KLHL2: variants seen among roughly 807,000 people sequenced by gnomAD.
KLHL2 encodes kelch like family member 2.
In KLHL2, 15 loss-of-function variants were observed where a neutral mutation model predicts 75.8. That is an observed-to-expected ratio of 0.20 (90% CI 0.13 to 0.30). The LOEUF (loss-of-function observed/expected upper bound fraction) is 0.30, where lower values mean the gene tolerates loss of function less well. Ranked by LOEUF, KLHL2 falls within the 10% of genes least tolerant of loss-of-function variation. The probability of loss-of-function intolerance (pLI) is 1.00; values close to 1 mark genes in which losing one functional copy is unlikely to be tolerated. For missense variants in KLHL2, 381 were observed against 741.0 expected, an observed-to-expected ratio of 0.51 and a Z score of 5.64; for synonymous variants, 214 against 251.9, an observed-to-expected ratio of 0.85 and a Z score of 1.42.
chr4:165,241,824 A>C (rs1739841099), intron 4 of KLHL2, among the ~76,000 whole-genome samples: 1 of 152,026 alleles, frequency 6.6e-6, no homozygotes, highest in South Asian at 2.1e-4. Flanking sequence ...ACAATATAAT[A>C]CCTATTTGAA....
At chr4:165,316,034 A>C (rs1350318368) in intron 13 of KLHL2, among the ~76,000 whole-genome samples, 1 of 152,250 alleles carries the variant, frequency 6.6e-6, no homozygotes, top group Non-Finnish European at 1.5e-5. Flanking sequence ...TAAACTGAAT[A>C]AACTGGAACC....
intron 4 of KLHL2, among the ~76,000 whole-genome samples, chr4:165,255,479 A>C (rs531642004): frequency 6.6e-6 from 1 of 152,048 alleles, no homozygotes; most frequent in African/African-American, 2.4e-5. Context: ...GCGAGGTTGC[A>C]TGTGGGGTAC....
At chr4:165,208,514 TC>T (rs1445820911) in intron 1 of KLHL2, 2 of 152,190 alleles carry the variant, frequency 1.3e-5, no homozygotes, top group African/African-American at 2.4e-5. Context: ...TAGTAGCGTA[TC>T]GACCTGCCAG....
chr4:165,241,247 G>T (rs1250716278), intron 4 of KLHL2, among the ~76,000 whole-genome samples: 1 of 152,110 alleles, frequency 6.6e-6, no homozygotes, highest in Non-Finnish European at 1.5e-5. Context: ...TAGATTAAAA[G>T]TAGCTACTTT....
At chr4:165,228,938 A>C (rs560973301) in intron 3 of KLHL2, 25 bp downstream of exon 3, 1 of 1,405,960 alleles carries the variant, frequency 7.1e-7, no homozygotes, top group African/African-American at 1.4e-5. Flanking sequence ...AGTTATAGGC[A>C]TTTTAAAAAA....
At chr4:165,233,617 G>A (rs572912464) in intron 3 of KLHL2, among the ~76,000 whole-genome samples, 2 of 152,176 alleles carry the variant, frequency 1.3e-5, no homozygotes, top group Admixed American at 6.6e-5. Context: ...ATTCATCAAG[G>A]AATATTTATT....
At chr4:165,246,345 G>A (rs553627660) in intron 4 of KLHL2, among the ~76,000 whole-genome samples, 1 of 152,144 alleles carries the variant, frequency 6.6e-6, no homozygotes, top group Admixed American at 6.5e-5. Flanking sequence ...ACTATGATAA[G>A]GAGGTTTGAT....
intron 2 of KLHL2, among the ~76,000 whole-genome samples, chr4:165,222,996 C>T (rs1738128185): frequency 6.6e-6 from 1 of 152,184 alleles, no homozygotes; most frequent in Non-Finnish European, 1.5e-5. Context: ...GGTAGGAAGA[C>T]AGGAGTTCTG....
chr4:165,253,054 C>T (rs556328542), intron 4 of KLHL2, among the ~76,000 whole-genome samples: 17 of 152,262 alleles, frequency 1.1e-4, no homozygotes, highest in Admixed American at 2.0e-4. Context: ...TTTTTTGAGA[C>T]GGAGTCTCGC....
At chr4:165,310,066 A>G (rs1746030609) in intron 9 of KLHL2, among the ~76,000 whole-genome samples, 1 of 152,218 alleles carries the variant, frequency 6.6e-6, no homozygotes. Context: ...GGCCAGGTGC[A>G]GTGGCTCACG....
chr4:165,322,351 CT>C lies in KLHL2; in HGVS notation c.*293del. The C allele has an allele frequency of 3.2e-6, 1 of 310,050 alleles. No homozygotes were observed. Among genetic ancestry groups the C allele is most frequent in the Non-Finnish European group, 5.9e-6 (1 of 168,828 alleles). 19.2% of individuals were successfully genotyped at this position (310,050 alleles called of 1,614,324 possible). ...ACAGTTGCTTTCATAAAGACTAGTTCTTATCAACCTTGAATGACTACAGATT... is the reference window on the plus strand; with the variant it reads ...ACAGTTGCTTTCATAAAGACTAGTTCTATCAACCTTGAATGACTACAGATT... On this transcript the variant is annotated 3_prime_UTR_variant, in exon 15 of 15. Transcript: ENST00000226725.
At chr4:165,299,679 G>A (rs758773736) in intron 8 of KLHL2, 23 bp downstream of exon 8, 1 of 1,565,708 alleles carries the variant, frequency 6.4e-7, no homozygotes, top group Non-Finnish European at 8.6e-7. Flanking sequence ...TCTCATGCTT[G>A]TTATTACCTC....
chr4:165,290,086 A>G lies in KLHL2; in HGVS notation c.545-4273A>G, dbSNP rs79337843. 7.6e-3 allele frequency among the ~76,000 whole-genome samples: 1,156 copies of G among 152,196 alleles called. 73 individuals are homozygous for G. In the East Asian group the frequency reaches 0.17, roughly 22 times the overall value. ...GGTATTCATAAATGTTTCTAAATTTATATGCTGTTTGCCAGCTTTTCATTA... is the reference window on the plus strand; with the variant it reads ...GGTATTCATAAATGTTTCTAAATTTGTATGCTGTTTGCCAGCTTTTCATTA... On this transcript the variant is annotated intron_variant, in intron 5 of 14. Transcript: ENST00000226725.
chr4:165,221,824 C>A (rs532073266), intron 2 of KLHL2, among the ~76,000 whole-genome samples: 3 of 152,122 alleles, frequency 2.0e-5, no homozygotes, highest in Non-Finnish European at 4.4e-5. Context: ...GATAATCCAG[C>A]AAGTCTGAGG....
intron 1 of KLHL2, among the ~76,000 whole-genome samples, chr4:165,215,350 C>A (rs1235595860): frequency 6.6e-6 from 1 of 152,152 alleles, no homozygotes; most frequent in African/African-American, 2.4e-5. Context: ...ATGGTTGACT[C>A]TGTACTTCTG....
intron 2 of KLHL2, among the ~76,000 whole-genome samples, chr4:165,220,803 G>A (rs1041261951): frequency 4.6e-5 from 7 of 152,174 alleles, no homozygotes; most frequent in Non-Finnish European, 8.8e-5. Flanking sequence ...GCCTGTTGCT[G>A]AGGTAATTCT....
intron 5 of KLHL2, 128 bp from the exon 6 acceptor site, chr4:165,294,231 C>T: frequency 1.2e-5 from 7 of 591,730 alleles, no homozygotes; most frequent in South Asian, 6.4e-5. Flanking sequence ...TAGTTCTTGC[C>T]TGGAGGTGTG....
chr4:165,260,578 G>C (rs79178371), intron 4 of KLHL2, among the ~76,000 whole-genome samples: 6 of 147,686 alleles, frequency 4.1e-5, no homozygotes, highest in African/African-American at 7.8e-5. Context: ...GTGTGTGTGT[G>C]GGGGGGGTGT....
chr4:165,309,825 A>G (rs1746012526), intron 9 of KLHL2, among the ~76,000 whole-genome samples: 1 of 152,202 alleles, frequency 6.6e-6, no homozygotes, highest in Non-Finnish European at 1.5e-5. Flanking sequence ...GCCCACTAAC[A>G]TGATAAACTA....
Sources: allele counts gnomAD v4.1 joint callset (sites outside exome capture counted in the v4.1 genomes callset), GRCh38; gene constraint gnomAD v4.1.1; transcripts MANE v1.5; gene names NCBI Gene and HGNC (gene_info 2026-07-23, HGNC 2026-07-21).